The following DENND5B variants were observed in gnomAD, a reference collection of about 807,000 sequenced individuals.
The protein encoded by DENND5B is DENN domain containing 5B, also known as DENN domain-containing protein 5B.
In DENND5B, 34 loss-of-function variants were observed where a neutral mutation model predicts 140.6. The ratio of observed to expected loss-of-function variants is 0.24; its 90% confidence interval spans 0.18 to 0.32. The LOEUF (loss-of-function observed/expected upper bound fraction) is 0.32. Among genes scored for constraint, DENND5B ranks in the 10% least tolerant of loss-of-function variants. The pLI is 1.00. For synonymous variants in DENND5B, 551 were observed against 562.1 expected, an observed-to-expected ratio of 0.98 and a Z score of 0.28; for missense variants, 1,142 against 1,560.2, an observed-to-expected ratio of 0.73 and a Z score of 4.52.
chr12:31,582,939 A>G (rs1338263600), intron 1 of DENND5B, among the ~76,000 whole-genome samples: 1 of 152,222 alleles, frequency 6.6e-6, no homozygotes, highest in Non-Finnish European at 1.5e-5. Context: ...CAGGCTTCTT[A>G]CTTATTATAG....
chr12:31,489,406 T>C (rs1946434673), intron 2 of DENND5B, among the ~76,000 whole-genome samples: 1 of 152,006 alleles, frequency 6.6e-6, no homozygotes, highest in African/African-American at 2.4e-5. Context: ...CACAGTCTAG[T>C]AGGAAAGACA....
intron 15 of DENND5B, 140 bp downstream of exon 15, chr12:31,402,358 T>C (rs1941849703): frequency 9.4e-6 from 10 of 1,063,784 alleles, no homozygotes; most frequent in African/African-American, 1.6e-5. Context: ...ACTTTAGACA[T>C]ATAATCACAA....
chr12:31,427,778 C>T (rs895410251), intron 8 of DENND5B, among the ~76,000 whole-genome samples: 11 of 152,038 alleles, frequency 7.2e-5, no homozygotes, highest in Admixed American at 7.2e-4. Flanking sequence ...GAGACTGAGA[C>T]GGCAAGCCAG....
At chr12:31,547,984 G>A (rs891821755) in intron 1 of DENND5B, among the ~76,000 whole-genome samples, 1 of 152,144 alleles carries the variant, frequency 6.6e-6, no homozygotes, top group Non-Finnish European at 1.5e-5. Flanking sequence ...GGGACTGAAG[G>A]TGTGAGCCAC....
intron 1 of DENND5B, among the ~76,000 whole-genome samples, chr12:31,515,208 G>A (rs2138952968): frequency 6.6e-6 from 1 of 152,152 alleles, no homozygotes; most frequent in South Asian, 2.1e-4. Flanking sequence ...GGGATGCTGA[G>A]GTGGAAGGAT....
chr12:31,586,621 G>A (rs1950400339), intron 1 of DENND5B, among the ~76,000 whole-genome samples: 1 of 152,256 alleles, frequency 6.6e-6, no homozygotes, highest in African/African-American at 2.4e-5. Context: ...AAAACCATTT[G>A]AAGCCTTGAT....
In DENND5B at chr12:31,581,249, T is replaced by C. The variant is rs1462028402; in HGVS notation, c.127+9457A>G. The stretch of plus-strand genomic sequence containing the variant: ...TTATTCTAAGATCTCAATGACTATA[T>C]TTGGGAACTGGCAGTATCATCCATA... On this transcript the variant is annotated intron_variant, in intron 1 of 20. Coordinates refer to ENST00000389082, the MANE Select transcript of DENND5B (RefSeq NM_144973.4). Among the ~76,000 whole-genome samples, 4 of 152,156 alleles carry C rather than the reference T, an allele frequency of 2.6e-5. No individual in the cohort carries two copies. In the East Asian group the frequency reaches 7.7e-4, roughly 29 times the overall value.
At chr12:31,553,053 T>G (rs904491306) in intron 1 of DENND5B, among the ~76,000 whole-genome samples, 10 of 152,202 alleles carry the variant, frequency 6.6e-5, no homozygotes, top group African/African-American at 2.4e-4. Context: ...TTTTTTGGTC[T>G]CTATTTCCTC....
rs191460064 is a variant in DENND5B at position 31,468,662 on chromosome 12, T to A, written c.905-8281A>T. On this transcript the variant is annotated intron_variant, in intron 3 of 20. Coordinates refer to ENST00000389082, the MANE Select transcript of DENND5B (RefSeq NM_144973.4). ...TCATTTCAAAAAATAAAAAAAAAAA[T>A]TAGCCAGGCATGGTGGCACACACCT... 2.3e-3 allele frequency among the ~76,000 whole-genome samples: 345 copies of A among 150,916 alleles called. 4 individuals are homozygous for A. Among genetic ancestry groups the A allele is most frequent in the African/African-American group, 7.6e-3 (313 of 41,138 alleles).
chr12:31,484,230 G>C (rs1946199513), intron 2 of DENND5B, among the ~76,000 whole-genome samples: 1 of 152,144 alleles, frequency 6.6e-6, no homozygotes, highest in Non-Finnish European at 1.5e-5. Flanking sequence ...AATGCATTTG[G>C]CCCAGGGACT....
Position 31,385,300 on chromosome 12 carries a change from G to C in DENND5B, c.*2303C>G, listed in dbSNP as rs563806387. 3 of 152,286 alleles carry C rather than the reference G, an allele frequency of 2.0e-5. No individual in the cohort carries two copies. The highest frequency in any genetic ancestry group is 4.2e-4 in the South Asian group (2 of 4,816). 9.4% of individuals were successfully genotyped at this position (152,286 alleles called of 1,614,324 possible). Reference sequence around the variant, plus strand: ...AACAAACAAACAAACATGAATTCTAGAGCTTGTGTTGTCAGTAACCAGCTG... The same window carrying C: ...AACAAACAAACAAACATGAATTCTACAGCTTGTGTTGTCAGTAACCAGCTG... On this transcript the variant is annotated 3_prime_UTR_variant, in exon 21 of 21. Transcript: ENST00000389082.
intron 1 of DENND5B, among the ~76,000 whole-genome samples, chr12:31,570,379 C>T (rs1213688997): frequency 2.7e-5 from 4 of 150,828 alleles, no homozygotes; most frequent in African/African-American, 9.7e-5. Flanking sequence ...TGGGTTCACC[C>T]ACCATTCTCC....
chr12:31,576,720 A>C (rs1316110066), intron 1 of DENND5B, among the ~76,000 whole-genome samples: 3 of 146,558 alleles, frequency 2.0e-5, no homozygotes, highest in African/African-American at 7.4e-5. Context: ...CCATCTCTAC[A>C]AAAAAAAAAT....
chr12:31,399,804 C>T (rs1224292888), intron 15 of DENND5B, 32 bp from the exon 16 acceptor site: 1 of 1,543,786 alleles, frequency 6.5e-7, no homozygotes. Context: ...TTATTTAGTA[C>T]CCAATCCCAT....
intron 3 of DENND5B, among the ~76,000 whole-genome samples, chr12:31,467,736 A>G (rs1945345163): frequency 6.6e-6 from 1 of 152,248 alleles, no homozygotes; most frequent in Non-Finnish European, 1.5e-5. Context: ...AGTAAGCCAC[A>G]ATGGGCATGG....
rs1946933353 is a variant in DENND5B, at chr12:31,499,758, GAAT to G, written c.128-3842_128-3840del. 5 of 1,126,520 alleles carry G rather than the reference GAAT, an allele frequency of 4.4e-6. No homozygotes were observed. The Admixed American group carries it at 1.7e-4, about 39-fold the overall frequency. The allele number at this position is 1,126,520 out of a possible 1,614,324, so 69.8% of individuals were successfully genotyped here. On this transcript the variant is annotated intron_variant, in intron 1 of 20. Coordinates refer to ENST00000389082, the MANE Select transcript of DENND5B (RefSeq NM_144973.4). ...AATGACTTTGAAGAATGGAAAATGA[GAAT>G]AATTAACCAAAAGCAATCACACAGG...
intron 1 of DENND5B, among the ~76,000 whole-genome samples, chr12:31,536,935 G>C (rs1010082440): frequency 1.3e-5 from 2 of 152,082 alleles, no homozygotes; most frequent in African/African-American, 4.8e-5. Flanking sequence ...CATATTTAAA[G>C]TGCTGAAGGA....
intron 1 of DENND5B, among the ~76,000 whole-genome samples, chr12:31,521,658 G>A (rs78943850): frequency 0.021 from 3,120 of 152,142 alleles, 56 homozygotes; most frequent in South Asian, 0.052. Context: ...CGTCAACAAA[G>A]ACCACCACCA....
chr12:31,590,929 CCCTAGGGCGACACTGGCGCGCCCAT>C lies in DENND5B; in HGVS notation c.-122_-98del, dbSNP rs1399528333. 2 of 1,125,022 alleles carry C rather than the reference CCCTAGGGCGACACTGGCGCGCCCAT, an allele frequency of 1.8e-6. No individual in the cohort carries two copies. The highest frequency in any genetic ancestry group is 2.2e-6 in the Non-Finnish European group (2 of 917,624). The allele number at this position is 1,125,022 out of a possible 1,614,324, so 69.7% of individuals were successfully genotyped here. A position where few individuals can be genotyped will look rare whatever the true frequency, so the allele number is the denominator to read the frequency against. On this transcript the variant is annotated 5_prime_UTR_variant, in exon 1 of 21. The change abolishes an upstream ATG in the 5' untranslated region. Coordinates refer to ENST00000389082, the MANE Select transcript of DENND5B (RefSeq NM_144973.4). ...GCTCCGGCTGTGGTCTGTGCGCCCG[CCCTAGGGCGACACTGGCGCGCCCAT>C]GGCCGCGCAGCCGCCTCTCGCCGCC...
Sources: gnomAD v4.1 joint callset for allele counts (sites outside exome capture counted in the v4.1 genomes callset) on GRCh38, gnomAD v4.1.1 for gene constraint, MANE v1.5 for transcripts, NCBI Gene and HGNC (gene_info 2026-07-23, HGNC 2026-07-21) for gene names.